The following MAP2 variants were observed in gnomAD, a reference collection of about 807,000 sequenced individuals.
The protein encoded by MAP2 is microtubule associated protein 2, also known as microtubule-associated protein 2.
A neutral mutation model predicts 137.6 loss-of-function variants in MAP2; 14 were observed. The observed-to-expected ratio is 0.10, with a 90% CI of 0.07 to 0.16. The LOEUF is 0.16. MAP2 is among the 10% of genes least tolerant of loss of function. The pLI is 1.00. For missense variants in MAP2, 2,088 were observed against 2,191.5 expected (o/e 0.95, Z 0.94); for synonymous variants, 786 against 782.3 (o/e 1.00, Z -0.08).
rs145088394 is a variant in MAP2, at chr2:209,659,944, A to T, written c.262+6512A>T. On this transcript the variant is annotated intron_variant, in intron 5 of 15. Transcript: ENST00000682079. ...TCCCAGCTACTTAGGAGGCTGAGGT[A>T]GGAGAATGGTGTGAACCCAGGAGGC... is the stretch of plus-strand genomic sequence containing the variant. Among the ~76,000 whole-genome samples the T allele has an allele frequency of 7.8e-3, 1,182 of 152,160 alleles. 17 individuals are homozygous for T. Among genetic ancestry groups the T allele is most frequent in the African/African-American group, 0.027 (1,100 of 41,508 alleles).
chr2:209,534,333 T>C (rs1325800476), intron 2 of MAP2, among the ~76,000 whole-genome samples: 1 of 152,220 alleles, frequency 6.6e-6, no homozygotes, highest in Non-Finnish European at 1.5e-5. Flanking sequence ...CCAAGGCCAC[T>C]TGGATAAATA....
intron 4 of MAP2, among the ~76,000 whole-genome samples, chr2:209,637,023 TAA>T (rs1015230563): frequency 6.6e-5 from 10 of 152,148 alleles, no homozygotes; most frequent in Non-Finnish European, 1.2e-4. Flanking sequence ...AATTATACAT[TAA>T]AAGTCTAAAA....
intron 1 of MAP2, among the ~76,000 whole-genome samples, chr2:209,456,173 A>G (rs1027653649): frequency 6.6e-6 from 1 of 152,200 alleles, no homozygotes; most frequent in Non-Finnish European, 1.5e-5. Context: ...GAGGTGCTAA[A>G]TGGTGAATCC....
intron 3 of MAP2, among the ~76,000 whole-genome samples, chr2:209,622,163 T>C (rs2091356180): frequency 6.6e-6 from 1 of 152,176 alleles, no homozygotes; most frequent in Admixed American, 6.5e-5. Context: ...TGGAATGATA[T>C]AATGGGAGGC....
chr2:209,601,258 A>G lies in MAP2; in HGVS notation c.-107+21158A>G, dbSNP rs934854923. ...TAAACATTATGGTTATGCGTAGTCA[A>G]TCCTTTCAGTTTTTATTCTTTTTTC... On this transcript the variant is annotated intron_variant, in intron 3 of 15. Coordinates refer to ENST00000682079, the MANE Select transcript of MAP2 (RefSeq NM_001375505.1). 7.9e-5 allele frequency among the ~76,000 whole-genome samples: 12 copies of G among 152,142 alleles called. 1 individual carries two copies. The highest frequency in any genetic ancestry group is 2.6e-4 in the Admixed American group (4 of 15,268).
At chr2:209,637,115 C>CT (rs1464492388) in intron 4 of MAP2, among the ~76,000 whole-genome samples, 3 of 152,098 alleles carry the variant, frequency 2.0e-5, no homozygotes, top group African/African-American at 7.2e-5. Context: ...CTGTATTCTG[C>CT]TTTTCTCAGC....
intron 2 of MAP2, among the ~76,000 whole-genome samples, chr2:209,572,784 G>A (rs1273682412): frequency 6.6e-6 from 1 of 152,114 alleles, no homozygotes; most frequent in Non-Finnish European, 1.5e-5. Flanking sequence ...ACTCAGCTTC[G>A]TTGATGGTGT....
At chr2:209,636,627 A>G (rs2093596672) in intron 4 of MAP2, among the ~76,000 whole-genome samples, 1 of 151,880 alleles carries the variant, frequency 6.6e-6, no homozygotes, top group Non-Finnish European at 1.5e-5. Flanking sequence ...TAACAGCGTA[A>G]TACATTGCAT....
chr2:209,578,811 C>G (rs1293947374), intron 2 of MAP2, among the ~76,000 whole-genome samples: 1 of 152,152 alleles, frequency 6.6e-6, no homozygotes, highest in African/African-American at 2.4e-5. Flanking sequence ...AATTCTCTGC[C>G]TGGGCCCTCA....
chr2:209,610,360 T>C (rs1403331081), intron 3 of MAP2, among the ~76,000 whole-genome samples: 1 of 152,134 alleles, frequency 6.6e-6, no homozygotes, highest in East Asian at 1.9e-4. Context: ...GGAAGGGTTT[T>C]ACTCATTTTC....
intron 1 of MAP2, among the ~76,000 whole-genome samples, chr2:209,504,871 CT>C (rs1484988317): frequency 6.6e-6 from 1 of 151,978 alleles, no homozygotes; most frequent in Non-Finnish European, 1.5e-5. Flanking sequence ...TGTATCCACT[CT>C]GTCTTTCATA....
intron 1 of MAP2, among the ~76,000 whole-genome samples, chr2:209,439,297 G>C (rs922699986): frequency 6.6e-6 from 1 of 151,510 alleles, no homozygotes; most frequent in African/African-American, 2.4e-5. Context: ...ACATGTGATT[G>C]CTAAGGTCCA....
At chr2:209,727,504 T>C (rs572982033) in intron 14 of MAP2, among the ~76,000 whole-genome samples, 1 of 152,362 alleles carries the variant, frequency 6.6e-6, no homozygotes, top group African/African-American at 2.4e-5. Flanking sequence ...GCTGTTGTCA[T>C]GGACTCCCAC....
chr2:209,701,037 G>A (rs542941664), intron 11 of MAP2, among the ~76,000 whole-genome samples: 28 of 151,982 alleles, frequency 1.8e-4, no homozygotes, highest in African/African-American at 6.0e-4. Context: ...CAATATTACT[G>A]TAGAGAACTT....
chr2:209,497,487 G>C (rs936741948), intron 1 of MAP2, among the ~76,000 whole-genome samples: 1 of 152,136 alleles, frequency 6.6e-6, no homozygotes, highest in Non-Finnish European at 1.5e-5. Context: ...ATTTTGTTAT[G>C]TTAGACTATA....
chr2:209,646,027 A>C (rs1369064246), intron 4 of MAP2, among the ~76,000 whole-genome samples: 2 of 152,104 alleles, frequency 1.3e-5, no homozygotes, highest in South Asian at 2.1e-4. Context: ...CTCTCTAAAA[A>C]ATACAAAAAT....
intron 1 of MAP2, among the ~76,000 whole-genome samples, chr2:209,429,003 G>C (rs1011439140): frequency 6.6e-6 from 1 of 151,818 alleles, no homozygotes; most frequent in Non-Finnish European, 1.5e-5. Context: ...GCCCAGGCCG[G>C]AGTACAGTGG....
Position 209,661,863 on chromosome 2 carries a change from G to A in MAP2, c.262+8431G>A, listed in dbSNP as rs1430005862. Reference sequence around the variant, plus strand: ...GTGTCTTTTATTCTTGATACAATATGAGGTTGTATATAGCAGGTATTGCCA... The same window carrying A: ...GTGTCTTTTATTCTTGATACAATATAAGGTTGTATATAGCAGGTATTGCCA... On this transcript the variant is annotated intron_variant, in intron 5 of 15. Coordinates refer to ENST00000682079, the MANE Select transcript of MAP2 (RefSeq NM_001375505.1). 2.0e-5 allele frequency among the ~76,000 whole-genome samples: 3 copies of A among 152,168 alleles called. No homozygotes were observed. The East Asian group carries it at 5.8e-4, about 29-fold the overall frequency.
intron 10 of MAP2, among the ~76,000 whole-genome samples, chr2:209,698,893 G>A (rs1312539807): frequency 6.6e-6 from 1 of 152,168 alleles, no homozygotes; most frequent in African/African-American, 2.4e-5. Context: ...AAGGATGAAA[G>A]ATGTCATCAG....
Sources: allele counts gnomAD v4.1 joint callset (sites outside exome capture counted in the v4.1 genomes callset), GRCh38; gene constraint gnomAD v4.1.1; transcripts MANE v1.5; gene names NCBI Gene and HGNC (gene_info 2026-07-23, HGNC 2026-07-21).